Variants in CASZ1 observed in about 807,000 individuals in gnomAD.
The protein encoded by CASZ1 is zinc finger protein castor homolog 1.
Under a neutral mutation model 135.2 loss-of-function variants are expected in CASZ1, and 28 were observed. The ratio of observed to expected loss-of-function variants is 0.21; its 90% CI spans 0.15 to 0.28. The LOEUF (loss-of-function observed/expected upper bound fraction) is 0.28. Among genes scored for constraint, CASZ1 ranks in the 10% least tolerant of loss-of-function variants. CASZ1 has a pLI of 1.00. For synonymous variants in CASZ1, 1,068 were observed against 1,073.4 expected (o/e 0.99, Z 0.10); for missense variants, 2,161 against 2,453.3 (o/e 0.88, Z 2.52).
chr1:10,706,848 C>T lies in CASZ1; in HGVS notation c.-76-1304G>A, dbSNP rs1045437113. Among the ~76,000 whole-genome samples, 2 of 141,474 alleles carry T rather than the reference C, an allele frequency of 1.4e-5. No individual in the cohort carries two copies. The highest frequency in any genetic ancestry group is 2.3e-4 in the South Asian group (1 of 4,338). 92.8% of individuals were successfully genotyped at this position (141,474 alleles called of 152,430 possible). ...CCCATCTCATCCAGATGATGAGAGG[C>T]GGGGGGGTCTGCAGAGAGCTGGGCG... On this transcript the variant is annotated intron_variant, in intron 2 of 20. Coordinates refer to ENST00000377022, the MANE Select transcript of CASZ1 (RefSeq NM_001079843.3). This position sits in a 1 kb window ranked among gnomAD's most constrained non-coding sequence, Gnocchi z 4.3.
At position 10,719,210 on chromosome 1, in the gene CASZ1, A is replaced by C. The variant is rs1353796549; in HGVS notation, c.-76-13666T>G. Among the ~76,000 whole-genome samples, 1 of 151,918 alleles carries C rather than the reference A, an allele frequency of 6.6e-6. No homozygotes were observed. Among genetic ancestry groups the C allele is most frequent in the Non-Finnish European group, 1.5e-5 (1 of 67,982 alleles). ...TGGGATTACAGGCGTGAGCCACCGC[A>C]CCCGGCCCCGTGCCCCTTTCTTGTA... On this transcript the variant is annotated intron_variant, in intron 2 of 20. Transcript: ENST00000377022. The surrounding 1 kb of genome is among the most constrained non-coding windows in gnomAD (Gnocchi z 4.0).
chr1:10,661,263 T>G (rs1024135859), intron 5 of CASZ1: 1 of 152,266 alleles, frequency 6.6e-6, no homozygotes, highest in East Asian at 1.9e-4. Flanking sequence ...TCACACAAGG[T>G]TGGGCCACCC....
chr1:10,742,511 G>A (rs1639943653), intron 2 of CASZ1, among the ~76,000 whole-genome samples: 1 of 152,248 alleles, frequency 6.6e-6, no homozygotes, highest in Non-Finnish European at 1.5e-5. Flanking sequence ...CTCACCTCCT[G>A]CCCATGTGCT....
At position 10,673,659 on chromosome 1, in the gene CASZ1, A is replaced by T. The variant is rs1011232936; in HGVS notation, c.17-8088T>A. 3.3e-5 allele frequency among the ~76,000 whole-genome samples: 5 copies of T among 152,320 alleles called. No individual in the cohort carries two copies. The South Asian group carries it at 1.0e-3, about 32-fold the overall frequency. ...AGGGAAACGCGCTGCTTGGAAAAGGAAAACCTCAGCGATTCGTGGCCCATG... is the reference window on the plus strand; with the variant it reads ...AGGGAAACGCGCTGCTTGGAAAAGGTAAACCTCAGCGATTCGTGGCCCATG... On this transcript the variant is annotated intron_variant, in intron 4 of 20. Coordinates refer to ENST00000377022, the MANE Select transcript of CASZ1 (RefSeq NM_001079843.3).
chr1:10,743,679 C>CA (rs1639976481), intron 2 of CASZ1, among the ~76,000 whole-genome samples: 1 of 26,206 alleles, frequency 3.8e-5, no homozygotes, highest in African/African-American at 2.1e-4. Context: ...GGGCGGGGTG[C>CA]GGGGGGAGGA....
chr1:10,748,917 C>T (rs983927967), intron 2 of CASZ1, among the ~76,000 whole-genome samples: 8 of 152,332 alleles, frequency 5.3e-5, no homozygotes, highest in East Asian at 3.9e-4. Context: ...AACATCGCCA[C>T]GTCAGTCTGG....
At chr1:10,766,242 G>T (rs550942856) in intron 1 of CASZ1, among the ~76,000 whole-genome samples, 1 of 151,962 alleles carries the variant, frequency 6.6e-6, no homozygotes, top group Non-Finnish European at 1.5e-5. Flanking sequence ...ATGCCACTCC[G>T]CCAGATCACT....
chr1:10,773,962 C>A (rs976136483), intron 1 of CASZ1, among the ~76,000 whole-genome samples: 1 of 152,198 alleles, frequency 6.6e-6, no homozygotes, highest in Non-Finnish European at 1.5e-5. Context: ...GACGAGTAGA[C>A]AAAGAAGTGT....
At position 10,706,778 on chromosome 1, in the gene CASZ1, C is replaced by T. The variant is rs528769459; in HGVS notation, c.-76-1234G>A. The stretch of plus-strand genomic sequence containing the variant: ...CAGGGCTCTGGGAGGGCTGAGAGCC[C>T]GGTGGGTTGGTGGTTAGGAAGTGCT... On this transcript the variant is annotated intron_variant, in intron 2 of 20. Coordinates refer to ENST00000377022, the MANE Select transcript of CASZ1 (RefSeq NM_001079843.3). The surrounding 1 kb of genome is among the most constrained non-coding windows in gnomAD (Gnocchi z 4.3). Among the ~76,000 whole-genome samples, 26 of 152,104 alleles carry T rather than the reference C, an allele frequency of 1.7e-4. No homozygotes were observed. The highest frequency in any genetic ancestry group is 5.3e-4 in the African/African-American group (22 of 41,470).
intron 2 of CASZ1, among the ~76,000 whole-genome samples, chr1:10,728,425 A>G (rs953760465): frequency 6.6e-6 from 1 of 152,106 alleles, no homozygotes; most frequent in Non-Finnish European, 1.5e-5. Flanking sequence ...ATGAAAATGA[A>G]CGTCCTTCCC....
At chr1:10,775,046 C>T (rs1451211000) in intron 1 of CASZ1, among the ~76,000 whole-genome samples, 1 of 151,810 alleles carries the variant, frequency 6.6e-6, no homozygotes, top group African/African-American at 2.4e-5. Flanking sequence ...GGCTGGAAAC[C>T]GGCGACACTG....
intron 7 of CASZ1, chr1:10,658,259 C>A: frequency 2.0e-6 from 1 of 508,740 alleles, no homozygotes; most frequent in Non-Finnish European, 3.6e-6. Flanking sequence ...TGCGTCGGGA[C>A]CCCGGCCCTA....
chr1:10,653,687 G>GAGGGCC lies in CASZ1; in HGVS notation c.2364_2369dup (p.Ala789_Leu790dup), dbSNP rs754599226. The GAGGGCC allele has an allele frequency of 6.4e-7, 1 of 1,567,794 alleles. No individual in the cohort carries two copies. On this transcript the variant is annotated inframe_insertion, in exon 11 of 21. Coordinates refer to ENST00000377022, the MANE Select transcript of CASZ1 (RefSeq NM_001079843.3). ...TGGGGGTGGGCAGGCCCGAGTTGGA[G>GAGGGCC]AGGGCCAGGGCCAGGGGGATTGAGC...
At chr1:10,730,818 A>T (rs979029628) in intron 2 of CASZ1, among the ~76,000 whole-genome samples, 12 of 152,346 alleles carry the variant, frequency 7.9e-5, no homozygotes, top group African/African-American at 2.9e-4. Context: ...TTTAAAAAAC[A>T]TCATATAGGC....
rs1353767702 is a variant in CASZ1, at chr1:10,701,376, C to T, written c.-24+4116G>A. On this transcript the variant is annotated intron_variant, in intron 3 of 20. Coordinates refer to ENST00000377022, the MANE Select transcript of CASZ1 (RefSeq NM_001079843.3). The surrounding 1 kb of genome is among the most constrained non-coding windows in gnomAD (Gnocchi z 6.3). The stretch of plus-strand genomic sequence containing the variant: ...CTAGTTACAGGGTTATTTAGCTTCT[C>T]CTGATGCTGACAATCACAAACTTTA... 1.3e-5 allele frequency among the ~76,000 whole-genome samples: 2 copies of T among 152,242 alleles called. No individual in the cohort carries two copies. The highest frequency in any genetic ancestry group is 4.8e-5 in the African/African-American group (2 of 41,454).
At position 10,753,736 on chromosome 1, in the gene CASZ1, T is replaced by C. The variant is rs542427061; in HGVS notation, c.-77+6965A>G. 4.4e-4 allele frequency among the ~76,000 whole-genome samples: 67 copies of C among 152,156 alleles called. No individual in the cohort carries two copies. The East Asian group carries it at 0.012, about 28-fold the overall frequency. On this transcript the variant is annotated intron_variant, in intron 2 of 20. Transcript: ENST00000377022. The stretch of plus-strand genomic sequence containing the variant: ...ACCCCTCTGTGCCCTCTCTGCCCGC[T>C]CCCAGATGAAACATCGAGAGAGTGC...
chr1:10,715,489 C>T (rs1458279236), intron 2 of CASZ1, among the ~76,000 whole-genome samples: 1 of 151,698 alleles, frequency 6.6e-6, no homozygotes, highest in Non-Finnish European at 1.5e-5. Context: ...GCACCCAATC[C>T]TCTCCCCACA....
At chr1:10,733,905 A>G (rs1241071351) in intron 2 of CASZ1, among the ~76,000 whole-genome samples, 1 of 152,188 alleles carries the variant, frequency 6.6e-6, no homozygotes, top group African/African-American at 2.4e-5. Flanking sequence ...GAAATAATGC[A>G]GCTAAAGGGC....
Position 10,666,784 on chromosome 1 carries a change from G to GAC in CASZ1, c.17-1215_17-1214dup, listed in dbSNP as rs151005113. Among the ~76,000 whole-genome samples the GAC allele has an allele frequency of 1.0e-3, 155 of 152,240 alleles. No homozygotes were observed. The highest frequency in any genetic ancestry group is 3.5e-3 in the African/African-American group (146 of 41,544). ...CCTGCCACAAAGGCTGGCGAGGGTG[G>GAC]ACACACACACACGCACACACACGCG... is the stretch of plus-strand genomic sequence containing the variant. On this transcript the variant is annotated intron_variant, in intron 4 of 20. Coordinates refer to ENST00000377022, the MANE Select transcript of CASZ1 (RefSeq NM_001079843.3). The surrounding 1 kb of genome is among the most constrained non-coding windows in gnomAD (Gnocchi z 5.2).
Sources: gnomAD v4.1 joint callset for allele counts (sites outside exome capture counted in the v4.1 genomes callset) on GRCh38, gnomAD v4.1.1 for gene constraint, Gnocchi (gnomAD v3.1) non-coding constraint, MANE v1.5 for transcripts, NCBI Gene and HGNC (gene_info 2026-07-23, HGNC 2026-07-21) for gene names.